Variants in MAPKAPK2 observed in about 807,000 individuals in gnomAD.
MAPKAPK2 encodes the protein MAPK activated protein kinase 2, also known as MAP kinase-activated protein kinase 2.
In MAPKAPK2, 9 loss-of-function variants were observed where a neutral mutation model predicts 48.8. The ratio of observed to expected loss-of-function variants is 0.18; its 90% CI spans 0.11 to 0.32. MAPKAPK2 has a LOEUF of 0.32. Ranked by LOEUF, MAPKAPK2 falls within the 10% of genes least tolerant of loss-of-function variation. The probability of loss-of-function intolerance (pLI) is 1.00; values close to 1 mark genes in which losing one functional copy is unlikely to be tolerated. For missense variants in MAPKAPK2, 331 were observed against 498.3 expected, an observed-to-expected ratio of 0.66 and a Z score of 3.20; for synonymous variants, 202 against 190.6, an observed-to-expected ratio of 1.06 and a Z score of -0.49.
intron 1 of MAPKAPK2, among the ~76,000 whole-genome samples, chr1:206,703,938 C>T (rs1243365274): frequency 6.6e-6 from 1 of 152,218 alleles, no homozygotes; most frequent in African/African-American, 2.4e-5. Context: ...CTTGAGAGTG[C>T]CCTGCACCCC....
At chr1:206,716,484 G>A (rs1169254467) in intron 1 of MAPKAPK2, among the ~76,000 whole-genome samples, 1 of 152,064 alleles carries the variant, frequency 6.6e-6, no homozygotes, top group Non-Finnish European at 1.5e-5. Flanking sequence ...GTACTGGGTG[G>A]GGGATGTGTG....
At chr1:206,688,919 C>T (rs1212117719) in intron 1 of MAPKAPK2, among the ~76,000 whole-genome samples, 1 of 152,146 alleles carries the variant, frequency 6.6e-6, no homozygotes, top group Non-Finnish European at 1.5e-5. Flanking sequence ...CAGGTGTGAG[C>T]TACCGCGCCC....
Position 206,685,401 on chromosome 1 carries a change from G to T in MAPKAPK2, c.172G>T (p.Ala58Ser). Residue 58 changes from alanine to serine, a missense_variant, in exon 1 of 10, where the codon GCC becomes TCC. Ala to Ser is a moderately conservative substitution (Grantham distance 99). Transcript: ENST00000367103. ...VKSGLQIKKN[A>S]IIDDYKVTSQ... is the part of the protein sequence containing the mutation. ...GTCCGGCCTGCAGATCAAGAAGAAC[G>T]CCATCATCGATGACTACAAGGTCAC... The T allele has an allele frequency of 6.6e-7, 1 of 1,510,562 alleles. No homozygotes were observed. The highest frequency in any genetic ancestry group is 1.4e-5 in the African/African-American group (1 of 69,124). The allele number at this position is 1,510,562 out of a possible 1,614,324, so 93.6% of individuals were successfully genotyped here.
chr1:206,726,979 G>C (rs1248611582), intron 1 of MAPKAPK2, among the ~76,000 whole-genome samples: 1 of 151,928 alleles, frequency 6.6e-6, no homozygotes, highest in Non-Finnish European at 1.5e-5. Context: ...ACTCCATCTC[G>C]GTCAGTCAGC....
At chr1:206,721,515 T>A (rs1019025713) in intron 1 of MAPKAPK2, among the ~76,000 whole-genome samples, 1 of 152,206 alleles carries the variant, frequency 6.6e-6, no homozygotes, top group African/African-American at 2.4e-5. Context: ...GGGTTTGCAC[T>A]TTAAGGCATT....
At chr1:206,718,532 CAAA>C (rs60964142) in intron 1 of MAPKAPK2, among the ~76,000 whole-genome samples, 168 of 114,674 alleles carry the variant, frequency 1.5e-3, no homozygotes, top group Middle Eastern at 8.5e-3. Flanking sequence ...GACTCCATCT[CAAA>C]AAAAAAAAAA....
At chr1:206,692,993 C>T (rs1379210242) in intron 1 of MAPKAPK2, among the ~76,000 whole-genome samples, 1 of 152,214 alleles carries the variant, frequency 6.6e-6, no homozygotes, top group East Asian at 1.9e-4. Context: ...AAGGTGAAGT[C>T]TCTCTGAGGG....
In MAPKAPK2 at chr1:206,732,098, G is replaced by C; in HGVS notation, c.1059+179G>C. 1 of 1,614,216 alleles carries C rather than the reference G, an allele frequency of 6.2e-7. No individual in the cohort carries two copies. Among genetic ancestry groups the C allele is most frequent in the Non-Finnish European group, 8.5e-7 (1 of 1,180,040 alleles). ...TTGGCTGACCAGGTTGTGAGCAGAG[G>C]ATTCTGTGTTCCTGTCCAAACTCAG... is the stretch of plus-strand genomic sequence containing the variant. On this transcript the variant is annotated intron_variant, in intron 9 of 9. Transcript: ENST00000367103. The surrounding 1 kb of genome is among the most constrained non-coding windows in gnomAD (Gnocchi z 4.4).
intron 1 of MAPKAPK2, among the ~76,000 whole-genome samples, chr1:206,687,692 AT>A (rs1353624753): frequency 1.3e-5 from 2 of 152,214 alleles, no homozygotes; most frequent in Non-Finnish European, 2.9e-5. Context: ...AGATTTCTAG[AT>A]CTTGAATTTT....
chr1:206,704,779 G>C lies in MAPKAPK2; in HGVS notation c.279+19271G>C, dbSNP rs545951328. ...CACTTCTTAATCTGTCCATTCATCT[G>C]TTCACTGCAGGCTTATTGAGGGAGA... On this transcript the variant is annotated intron_variant, in intron 1 of 9. Coordinates refer to ENST00000367103, the MANE Select transcript of MAPKAPK2 (RefSeq NM_032960.4). This position sits in a 1 kb window ranked among gnomAD's most constrained non-coding sequence, Gnocchi z 4.3. Among the ~76,000 whole-genome samples, 105 of 152,308 alleles carry C rather than the reference G, an allele frequency of 6.9e-4. No homozygotes were observed. The highest frequency in any genetic ancestry group is 2.5e-3 in the African/African-American group (103 of 41,562).
chr1:206,732,509 TCTG>T lies in MAPKAPK2; in HGVS notation c.1060-62_1060-60del. On this transcript the variant is annotated intron_variant, in intron 9 of 9. Transcript: ENST00000367103. This position sits in a 1 kb window ranked among gnomAD's most constrained non-coding sequence, Gnocchi z 4.4. ...TTGTCTCTGTCTCTCACGTCTCTCT[TCTG>T]CTGTCTCTCCTACCTGTCTTCTGGC... is the stretch of plus-strand genomic sequence containing the variant. The T allele has an allele frequency of 1.3e-6, 2 of 1,593,886 alleles. No homozygotes were observed. Among genetic ancestry groups the T allele is most frequent in the South Asian group, 1.1e-5 (1 of 88,618 alleles).
Position 206,731,479 on chromosome 1 carries a change from C to T in MAPKAPK2, c.893-161C>T. 9.2e-7 allele frequency: 1 copy of T among 1,091,322 alleles called. No individual in the cohort carries two copies. Among genetic ancestry groups the T allele is most frequent in the Non-Finnish European group, 1.3e-6 (1 of 741,584 alleles). The allele number at this position is 1,091,322 out of a possible 1,614,324, so 67.6% of individuals were successfully genotyped here. A position where few individuals can be genotyped will look rare whatever the true frequency, so the allele number is the denominator to read the frequency against. On this transcript the variant is annotated intron_variant, in intron 7 of 9. Coordinates refer to ENST00000367103, the MANE Select transcript of MAPKAPK2 (RefSeq NM_032960.4). This position sits in a 1 kb window ranked among gnomAD's most constrained non-coding sequence, Gnocchi z 5.9. Reference sequence around the variant, plus strand: ...AAGGCTGTGGGGCTGTGCAGGGCCTCTCAAGTGGTACAGCCGTAATGGTCC... The same window carrying T: ...AAGGCTGTGGGGCTGTGCAGGGCCTTTCAAGTGGTACAGCCGTAATGGTCC...
At chr1:206,723,358 A>G (rs1459617517) in intron 1 of MAPKAPK2, among the ~76,000 whole-genome samples, 4 of 152,180 alleles carry the variant, frequency 2.6e-5, no homozygotes, top group Non-Finnish European at 5.9e-5. Context: ...TTACGTGCCA[A>G]GCGTTATTCT....
chr1:206,691,593 A>T (rs1161549143), intron 1 of MAPKAPK2, among the ~76,000 whole-genome samples: 1 of 151,450 alleles, frequency 6.6e-6, no homozygotes, highest in Non-Finnish European at 1.5e-5. Context: ...GTGCATACAT[A>T]AATAGAAAGC....
intron 1 of MAPKAPK2, among the ~76,000 whole-genome samples, chr1:206,692,145 G>T (rs566472333): frequency 6.6e-6 from 1 of 152,290 alleles, no homozygotes; most frequent in African/African-American, 2.4e-5. Flanking sequence ...CAGGGATCTG[G>T]TTGAGGAGCT....
chr1:206,728,786 G>A lies in MAPKAPK2; in HGVS notation c.356G>A (p.Arg119Gln), dbSNP rs141946496. 1.1e-4 allele frequency: 181 copies of A among 1,613,976 alleles called. No individual in the cohort carries two copies. The highest frequency in any genetic ancestry group is 1.3e-4 in the Non-Finnish European group (156 of 1,180,004). Residue 119 changes from arginine (R) to glutamine (Q), a missense_variant, in exon 2 of 10, where the codon CGG becomes CAG. Transcript: ENST00000367103. ...WRASQCPHIV[R>Q]IVDVYENLYA... ...GCCTCCCAGTGCCCGCACATCGTAC[G>A]GATCGTGGATGTGTACGAGAATCTG... is the stretch of plus-strand genomic sequence containing the variant.
chr1:206,695,906 C>T (rs1672608436), intron 1 of MAPKAPK2: 1 of 620,812 alleles, frequency 1.6e-6, no homozygotes, highest in Non-Finnish European at 2.9e-6. Flanking sequence ...TCTGTCCGAT[C>T]TTCATACCTG....
chr1:206,716,739 AC>A (rs1673350664), intron 1 of MAPKAPK2, among the ~76,000 whole-genome samples: 3 of 151,290 alleles, frequency 2.0e-5, no homozygotes, highest in Non-Finnish European at 4.4e-5. Context: ...AGTGTTCCTG[AC>A]CTCCTTCCGT....
intron 1 of MAPKAPK2, among the ~76,000 whole-genome samples, chr1:206,699,741 A>C (rs1442497190): frequency 6.6e-6 from 1 of 152,190 alleles, no homozygotes; most frequent in African/African-American, 2.4e-5. Flanking sequence ...GGCAGACTGC[A>C]TGCAGGGAGA....
Sources: allele counts gnomAD v4.1 joint callset (sites outside exome capture counted in the v4.1 genomes callset), GRCh38; gene constraint gnomAD v4.1.1; non-coding constraint Gnocchi (gnomAD v3.1); transcripts MANE v1.5; gene names NCBI Gene and HGNC (gene_info 2026-07-23, HGNC 2026-07-21).